Variants in LRRIQ1 observed in about 807,000 individuals in gnomAD.
LRRIQ1 encodes the protein leucine-rich repeat- and IQ domain-containing protein 1.
LRRIQ1 carries 210 observed loss-of-function variants against 211.9 expected under a neutral mutation model. The observed-to-expected ratio is 0.99, with a 90% confidence interval of 0.89 to 1.11. The LOEUF (loss-of-function observed/expected upper bound fraction) is 1.11, where lower values mean the gene tolerates loss of function less well. Among genes scored for constraint, LRRIQ1 ranks in the 50% most tolerant of loss-of-function variants. The pLI, the probability that LRRIQ1 is intolerant of heterozygous loss-of-function variation, is 0.00. For missense variants in LRRIQ1, 2,136 were observed against 1,939.5 expected (o/e 1.10, Z -1.90); for synonymous variants, 699 against 650.1 (o/e 1.08, Z -1.14).
At chr12:85,261,765 T>TTTATTTA (rs1670155515) in intron 1 of LRRIQ1, among the ~76,000 whole-genome samples, 4 of 139,666 alleles carry the variant, frequency 2.9e-5, no homozygotes, top group East Asian at 4.1e-4. Flanking sequence ...TTTTTGTTTA[T>TTTATTTA]TTTATTTATT....
chr12:85,055,906 G>A lies in LRRIQ1; in HGVS notation c.1113G>A (p.Val371=). 6.3e-7 allele frequency: 1 copy of A among 1,596,782 alleles called. No homozygotes were observed. Among genetic ancestry groups the A allele is most frequent in the Non-Finnish European group, 8.5e-7 (1 of 1,175,222 alleles). ...AATATGAAGAAAAAAAGAATATTGT[G>A]AAACAGGAAAGAGAGCAACTAATAA... is the stretch of plus-strand genomic sequence containing the variant. ...EKEYEEKKNI[V]KQEREQLISK... is the part of the protein sequence containing the mutation. The change falls in exon 8 of 27, where the codon GTG becomes GTA. Residue 371 remains valine, a synonymous_variant. Coordinates refer to ENST00000393217, the MANE Select transcript of LRRIQ1 (RefSeq NM_001079910.2).
chr12:85,118,494 A>G (rs1887732467), intron 15 of LRRIQ1, among the ~76,000 whole-genome samples: 1 of 125,006 alleles, frequency 8.0e-6, no homozygotes. Context: ...TACATGAAAA[A>G]CTATGTTTTT....
intron 16 of LRRIQ1, among the ~76,000 whole-genome samples, chr12:85,123,844 C>T (rs965530374): frequency 6.6e-6 from 1 of 152,072 alleles, no homozygotes; most frequent in African/African-American, 2.4e-5. Context: ...AACTTCCAGA[C>T]ATTTTGTCTG....
At chr12:85,138,176 C>T (rs1350968309) in intron 19 of LRRIQ1, among the ~76,000 whole-genome samples, 1 of 151,396 alleles carries the variant, frequency 6.6e-6, no homozygotes, top group Non-Finnish European at 1.5e-5. Context: ...CTTACAAGAG[C>T]GTCTTTGTGC....
intron 1 of LRRIQ1, among the ~76,000 whole-genome samples, chr12:85,250,614 C>G (rs751041594): frequency 6.7e-6 from 1 of 149,002 alleles, no homozygotes; most frequent in Non-Finnish European, 1.5e-5. Flanking sequence ...GTTCTGTGCA[C>G]CTGTAGTCCC....
rs537204520 is a variant in LRRIQ1, at chr12:85,187,683, C to T, written c.4822+26969C>T. Reference sequence around the variant, plus strand: ...AAATAGCTGGGCGTGGTGGCTCATGCCTGTAATCCCAGCTACCCGGGAGGC... The same window carrying T: ...AAATAGCTGGGCGTGGTGGCTCATGTCTGTAATCCCAGCTACCCGGGAGGC... On this transcript the variant is annotated intron_variant, in intron 24 of 26. Transcript: ENST00000393217. Among the ~76,000 whole-genome samples the T allele has an allele frequency of 8.6e-5, 13 of 151,822 alleles. No homozygotes were observed. The South Asian group carries it at 2.7e-3, about 32-fold the overall frequency.
rs551663598 is a variant in LRRIQ1 at position 85,076,171 on chromosome 12, A to G, written c.2887+3073A>G. Among the ~76,000 whole-genome samples, 302 of 152,164 alleles carry G rather than the reference A, an allele frequency of 2.0e-3. 1 individual carries two copies. Among genetic ancestry groups the G allele is most frequent in the Non-Finnish European group, 3.6e-3 (242 of 67,972 alleles). On this transcript the variant is annotated intron_variant, in intron 11 of 26. Transcript: ENST00000393217. Reference sequence around the variant, plus strand: ...CTATATGTATAAGCGCTTTTTCAGCACTGAAATATTTCTGGGGATGTAGCA... The same window carrying G: ...CTATATGTATAAGCGCTTTTTCAGCGCTGAAATATTTCTGGGGATGTAGCA...
chr12:85,104,386 A>G lies in LRRIQ1; in HGVS notation c.3283+309A>G, dbSNP rs925927256. Among the ~76,000 whole-genome samples the G allele has an allele frequency of 4.6e-5, 7 of 152,066 alleles. 1 individual carries two copies. Among genetic ancestry groups the G allele is most frequent in the African/African-American group, 1.7e-4 (7 of 41,566 alleles). ...CAGTATACCTTTCTAACAGGTATAG[A>G]GTAGTCACTCATTAAAAATTTATTA... On this transcript the variant is annotated intron_variant, in intron 14 of 26. Transcript: ENST00000393217.
intron 11 of LRRIQ1, among the ~76,000 whole-genome samples, chr12:85,086,617 T>TTC (rs1277921203): frequency 1.3e-5 from 2 of 151,398 alleles, no homozygotes; most frequent in Non-Finnish European, 3.0e-5. Context: ...TTCTTTTCTT[T>TTC]TTTTTTTTTC....
At chr12:85,097,527 C>A (rs992937424) in intron 11 of LRRIQ1, among the ~76,000 whole-genome samples, 4 of 151,456 alleles carry the variant, frequency 2.6e-5, no homozygotes, top group South Asian at 2.1e-4. Context: ...TCTGTCCTTG[C>A]GATAGTTTGC....
chr12:85,069,996 A>G (rs1882907747), intron 10 of LRRIQ1, among the ~76,000 whole-genome samples: 1 of 152,006 alleles, frequency 6.6e-6, no homozygotes, highest in South Asian at 2.1e-4. Flanking sequence ...TTGGTGTTTT[A>G]GACATGAAGT....
At chr12:85,036,967 C>T (rs1418931713) in intron 1 of LRRIQ1, among the ~76,000 whole-genome samples, 1 of 152,098 alleles carries the variant, frequency 6.6e-6, no homozygotes, top group African/African-American at 2.4e-5. Flanking sequence ...CCACTAACTG[C>T]AGGTGGCTAC....
intron 18 of LRRIQ1, 49 bp downstream of exon 18, chr12:85,128,082 T>A (rs770966925): frequency 3.9e-6 from 5 of 1,297,672 alleles, no homozygotes. Context: ...ATATTAGTTG[T>A]CTTTCATGAT....
intron 1 of LRRIQ1, among the ~76,000 whole-genome samples, chr12:85,250,918 T>TTA: frequency 1.3e-5 from 1 of 78,246 alleles, no homozygotes. Context: ...ATAATATATT[T>TTA]TATATATTAT....
chr12:85,047,027 A>G (rs1306391402), intron 5 of LRRIQ1, among the ~76,000 whole-genome samples: 9 of 151,670 alleles, frequency 5.9e-5, no homozygotes, highest in Non-Finnish European at 4.4e-5. Flanking sequence ...GGGGAGGGAC[A>G]GCATTAGGAG....
chr12:85,153,925 T>A, intron 22 of LRRIQ1, 87 bp from the exon 23 acceptor site: 1 of 998,752 alleles, frequency 1.0e-6, no homozygotes, highest in Non-Finnish European at 1.4e-6. Flanking sequence ...TATGCTATAA[T>A]TCAGATATGC....
At chr12:85,082,433 T>C (rs543478601) in intron 11 of LRRIQ1, among the ~76,000 whole-genome samples, 2 of 152,276 alleles carry the variant, frequency 1.3e-5, no homozygotes, top group East Asian at 3.9e-4. Flanking sequence ...ATATGTGGAT[T>C]GCTTTTTTAT....
At chr12:85,257,930 G>A (rs548418996) in intron 1 of LRRIQ1, among the ~76,000 whole-genome samples, 27 of 151,536 alleles carry the variant, frequency 1.8e-4, no homozygotes, top group Non-Finnish European at 3.8e-4. Flanking sequence ...CAACACACTG[G>A]TATGTTAAAA....
chr12:85,150,372 A>G (rs1198910459), intron 19 of LRRIQ1, among the ~76,000 whole-genome samples: 3 of 151,798 alleles, frequency 2.0e-5, no homozygotes, highest in Non-Finnish European at 4.4e-5. Flanking sequence ...AAAAAACTCT[A>G]AGTTCTAAAT....
Sources: allele counts gnomAD v4.1 joint callset (sites outside exome capture counted in the v4.1 genomes callset), GRCh38; gene constraint gnomAD v4.1.1; transcripts MANE v1.5; gene names NCBI Gene and HGNC (gene_info 2026-07-23, HGNC 2026-07-21).